The following LRBA variants were observed in gnomAD, a reference collection of about 807,000 sequenced individuals.
The protein encoded by LRBA is lipopolysaccharide-responsive and beige-like anchor protein.
Under a neutral mutation model 330.0 loss-of-function variants are expected in LRBA, and 176 were observed. The ratio of observed to expected loss-of-function variants is 0.53; its 90% confidence interval spans 0.47 to 0.60. The LOEUF (loss-of-function observed/expected upper bound fraction) is 0.60, where lower values mean the gene tolerates loss of function less well. Ranked by LOEUF, LRBA falls within the 20% of genes least tolerant of loss-of-function variation. The pLI is 0.00. For missense variants in LRBA, 3,259 were observed against 3,444.8 expected, an observed-to-expected ratio of 0.95 and a Z score of 1.35; for synonymous variants, 1,230 against 1,193.0, an observed-to-expected ratio of 1.03 and a Z score of -0.64.
chr4:150,769,359 G>A (rs191271148), intron 34 of LRBA, among the ~76,000 whole-genome samples: 4 of 152,184 alleles, frequency 2.6e-5, no homozygotes, highest in Admixed American at 2.6e-4. Flanking sequence ...GAGACAGAGA[G>A]AGAAAGAGAG....
At chr4:150,277,659 T>C (rs975466379) in intron 56 of LRBA, among the ~76,000 whole-genome samples, 194 bp downstream of exon 56, 2 of 152,010 alleles carry the variant, frequency 1.3e-5, no homozygotes, top group East Asian at 3.9e-4. Context: ...CTATACAATT[T>C]TGAAAAAAAA....
At chr4:150,655,814 A>T (rs1395601237) in intron 37 of LRBA, among the ~76,000 whole-genome samples, 5 of 152,258 alleles carry the variant, frequency 3.3e-5, no homozygotes, top group Non-Finnish European at 5.9e-5. Flanking sequence ...ATTTTAAAAT[A>T]CCAAATTCTA....
At chr4:150,307,252 T>C (rs986266671) in intron 52 of LRBA, among the ~76,000 whole-genome samples, 7 of 152,022 alleles carry the variant, frequency 4.6e-5, no homozygotes, top group Admixed American at 4.6e-4. Context: ...AGATTAGTTG[T>C]TGCCAGGAGG....
chr4:150,352,824 C>T (rs1737359255), intron 47 of LRBA, among the ~76,000 whole-genome samples: 4 of 152,180 alleles, frequency 2.6e-5, no homozygotes, highest in Admixed American at 2.6e-4. Context: ...GCAGTGCACT[C>T]TACACAAAAG....
At chr4:150,726,072 A>C (rs964054416) in intron 36 of LRBA, among the ~76,000 whole-genome samples, 11 of 152,236 alleles carry the variant, frequency 7.2e-5, no homozygotes, top group African/African-American at 2.7e-4. Context: ...AAGACAAGGA[A>C]AGAAAAAAGG....
chr4:150,496,032 G>T (rs1759553390), intron 40 of LRBA, among the ~76,000 whole-genome samples: 1 of 152,008 alleles, frequency 6.6e-6, no homozygotes, highest in Non-Finnish European at 1.5e-5. Context: ...GGAGAGAAAG[G>T]ATTTAGTATT....
chr4:150,553,820 C>G (rs1766938375), intron 40 of LRBA, among the ~76,000 whole-genome samples: 2 of 152,222 alleles, frequency 1.3e-5, no homozygotes, highest in South Asian at 4.1e-4. Context: ...GAATGGCAAG[C>G]CACCGGTGCA....
At chr4:150,714,481 A>T (rs184089274) in intron 36 of LRBA, among the ~76,000 whole-genome samples, 2 of 152,298 alleles carry the variant, frequency 1.3e-5, no homozygotes, top group Admixed American at 1.3e-4. Context: ...CAAACAAATC[A>T]TAACTGAAGT....
At chr4:150,476,999 T>G (rs1756788463) in intron 42 of LRBA, among the ~76,000 whole-genome samples, 1 of 152,166 alleles carries the variant, frequency 6.6e-6, no homozygotes, top group Non-Finnish European at 1.5e-5. Context: ...GTCAGAACAT[T>G]TGGTCTTAAT....
intron 31 of LRBA, among the ~76,000 whole-genome samples, chr4:150,809,899 CGATA>C (rs1174826854): frequency 4.6e-5 from 7 of 151,104 alleles, no homozygotes; most frequent in Non-Finnish European, 8.8e-5. Flanking sequence ...CGATACGATA[CGATA>C]CGATACGATA....
intron 13 of LRBA, among the ~76,000 whole-genome samples, chr4:150,904,170 GCTGATAAAGCTTCAA>G (rs1300882485): frequency 6.6e-6 from 1 of 152,188 alleles, no homozygotes; most frequent in Non-Finnish European, 1.5e-5. Flanking sequence ...TGACCACGAA[GCTGATAAAGCTTCAA>G]CTTTATGACC....
rs148108856 is a variant in LRBA, at chr4:150,931,721, C to T, written c.217-2656G>A. ...GTTCAAGACTAAAGTGAGATCACAC[C>T]ACTGCACTCCAGCCTGGGTGACAGT... On this transcript the variant is annotated intron_variant, in intron 2 of 56. Transcript: ENST00000651943. 7.9e-5 allele frequency among the ~76,000 whole-genome samples: 12 copies of T among 151,636 alleles called. No individual in the cohort carries two copies. In the East Asian group the frequency reaches 1.7e-3, roughly 22 times the overall value.
chr4:150,498,483 C>T (rs963100437), intron 40 of LRBA, among the ~76,000 whole-genome samples: 2 of 151,734 alleles, frequency 1.3e-5, no homozygotes, highest in Non-Finnish European at 2.9e-5. Context: ...TAAACTATAC[C>T]ATAAGTCTAA....
At chr4:150,572,978 C>T in intron 40 of LRBA, among the ~76,000 whole-genome samples, 1 of 152,154 alleles carries the variant, frequency 6.6e-6, no homozygotes, top group East Asian at 1.9e-4. Flanking sequence ...GGGGCTGTGA[C>T]TGCCTGATGC....
intron 53 of LRBA, among the ~76,000 whole-genome samples, chr4:150,299,775 T>G (rs1729419311): frequency 6.6e-6 from 1 of 152,030 alleles, no homozygotes; most frequent in African/African-American, 2.4e-5. Context: ...AACCTGGTTT[T>G]CTTTTATCTA....
intron 36 of LRBA, among the ~76,000 whole-genome samples, chr4:150,726,623 G>A (rs553591436): frequency 2.6e-5 from 4 of 152,112 alleles, no homozygotes; most frequent in Non-Finnish European, 5.9e-5. Flanking sequence ...TTCTTCACAA[G>A]TTGGCAGGAA....
chr4:150,823,084 T>C (rs1745699944), intron 30 of LRBA, among the ~76,000 whole-genome samples: 1 of 152,188 alleles, frequency 6.6e-6, no homozygotes, highest in African/African-American at 2.4e-5. Context: ...TTGCCAACAT[T>C]TGTTACTGCT....
chr4:150,988,380 C>T (rs1741688046), intron 2 of LRBA, among the ~76,000 whole-genome samples: 1 of 152,052 alleles, frequency 6.6e-6, no homozygotes, highest in Non-Finnish European at 1.5e-5. Context: ...AGTTTTGTAA[C>T]CTTAATTAAA....
chr4:150,371,693 T>A (rs761664498), intron 47 of LRBA, among the ~76,000 whole-genome samples: 12 of 151,688 alleles, frequency 7.9e-5, no homozygotes, highest in Non-Finnish European at 1.8e-4. Flanking sequence ...AGCAATATTA[T>A]ATAACTTATT....
Sources: allele counts gnomAD v4.1 joint callset (sites outside exome capture counted in the v4.1 genomes callset), GRCh38; gene constraint gnomAD v4.1.1; transcripts MANE v1.5; gene names NCBI Gene and HGNC (gene_info 2026-07-23, HGNC 2026-07-21).